MEGF9: variants seen among roughly 807,000 people sequenced by gnomAD.
MEGF9 encodes the protein multiple epidermal growth factor-like domains protein 9.
Under a neutral mutation model 46.8 loss-of-function variants are expected in MEGF9, and 6 were observed. The ratio of observed to expected loss-of-function variants is 0.13; its 90% CI spans 0.07 to 0.25. The LOEUF (loss-of-function observed/expected upper bound fraction) is 0.25. MEGF9 is among the 10% of genes least tolerant of loss of function. The pLI, the probability that MEGF9 is intolerant of heterozygous loss-of-function variation, is 1.00. For missense variants in MEGF9, 683 were observed against 792.4 expected (o/e 0.86, Z 1.66); for synonymous variants, 302 against 330.7 (o/e 0.91, Z 0.94).
At position 120,603,275 on chromosome 9, in the gene MEGF9, GA is replaced by G. The variant is rs2043405641; in HGVS notation, c.*1914del. On this transcript the variant is annotated 3_prime_UTR_variant, in exon 6 of 6. Transcript: ENST00000373930. The stretch of plus-strand genomic sequence containing the variant: ...TTCCTCAGGGGGCTATGGTGTGGAA[GA>G]GAGGACACACATATGGAAAAGTGCT... The G allele has an allele frequency of 6.6e-6, 1 of 150,932 alleles. No individual in the cohort carries two copies. The highest frequency in any genetic ancestry group is 1.5e-5 in the Non-Finnish European group (1 of 68,032). 9.3% of individuals were successfully genotyped at this position (150,932 alleles called of 1,614,324 possible).
chr9:120,616,044 CAA>C (rs2043470966), intron 3 of MEGF9, among the ~76,000 whole-genome samples: 1 of 151,856 alleles, frequency 6.6e-6, no homozygotes. Flanking sequence ...CATAAATAAC[CAA>C]AGTGTTAACA....
intron 2 of MEGF9, among the ~76,000 whole-genome samples, chr9:120,625,338 T>A (rs1254352803): frequency 6.6e-6 from 1 of 152,180 alleles, no homozygotes; most frequent in East Asian, 1.9e-4. Context: ...TCAGTTTCCC[T>A]AAGTATTCAG....
intron 1 of MEGF9, among the ~76,000 whole-genome samples, chr9:120,660,045 T>C (rs1163549757): frequency 1.3e-5 from 2 of 150,992 alleles, no homozygotes; most frequent in African/African-American, 2.4e-5. Context: ...AAGAAATTAA[T>C]GAAGAATAGA....
intron 1 of MEGF9, among the ~76,000 whole-genome samples, chr9:120,674,302 AT>A (rs1168871410): frequency 1.3e-5 from 2 of 152,216 alleles, no homozygotes; most frequent in African/African-American, 2.4e-5. Context: ...CAATAAGGAA[AT>A]AATGCAATTT....
chr9:120,666,005 A>C (rs1418984546), intron 1 of MEGF9, among the ~76,000 whole-genome samples: 17 of 152,062 alleles, frequency 1.1e-4, no homozygotes, highest in Admixed American at 9.8e-4. Context: ...ATAGTTTTGT[A>C]GTATATTTTG....
At chr9:120,640,751 G>A (rs974808154) in intron 2 of MEGF9, among the ~76,000 whole-genome samples, 7 of 151,930 alleles carry the variant, frequency 4.6e-5, no homozygotes, top group African/African-American at 1.7e-4. Flanking sequence ...GGCTACATAT[G>A]CAGGTTGGTT....
chr9:120,697,596 C>A (rs62578018), intron 1 of MEGF9, among the ~76,000 whole-genome samples: 2 of 151,998 alleles, frequency 1.3e-5, no homozygotes, highest in Non-Finnish European at 2.9e-5. Context: ...TTGTTAGCAC[C>A]GATCCTCTTT....
At chr9:120,701,846 C>T (rs1354390100) in intron 1 of MEGF9, among the ~76,000 whole-genome samples, 1 of 152,094 alleles carries the variant, frequency 6.6e-6, no homozygotes, top group East Asian at 1.9e-4. Flanking sequence ...AGATCGAGAC[C>T]ATCCTGGCTA....
chr9:120,612,606 C>T, intron 3 of MEGF9, 67 bp from the exon 4 acceptor site: 1 of 1,406,604 alleles, frequency 7.1e-7, no homozygotes, highest in Non-Finnish European at 9.7e-7. Context: ...TTTCAAAAAT[C>T]ATGCCTGCAA....
intron 2 of MEGF9, among the ~76,000 whole-genome samples, chr9:120,637,514 C>T (rs1184707222): frequency 6.6e-6 from 1 of 150,794 alleles, no homozygotes; most frequent in Non-Finnish European, 1.5e-5. Flanking sequence ...GTGCTCCAGG[C>T]CGGGCGTGGT....
Position 120,713,810 on chromosome 9 carries a change from G to A in MEGF9, c.549C>T (p.Ser183=). The change falls in exon 1 of 6, where the codon AGC becomes AGT. Residue 183 remains serine (S), a synonymous_variant. Transcript: ENST00000373930. ...PTPDLPSSSN[S]SVLPTPPATE... ...TGGCAGGTGGGGTGGGGAGGACGCT[G>A]CTGTTGCTGCTGCTGGGGAGATCGG... 1 of 1,298,832 alleles carries A rather than the reference G, an allele frequency of 7.7e-7. No individual in the cohort carries two copies. Among genetic ancestry groups the A allele is most frequent in the East Asian group, 2.8e-5 (1 of 35,656 alleles). 80.5% of individuals were successfully genotyped at this position (1,298,832 alleles called of 1,614,324 possible). A position where few individuals can be genotyped will look rare whatever the true frequency, so the allele number is the denominator to read the frequency against.
intron 4 of MEGF9, among the ~76,000 whole-genome samples, chr9:120,608,843 C>G (rs1214352659): frequency 6.6e-6 from 1 of 152,204 alleles, no homozygotes; most frequent in East Asian, 1.9e-4. Context: ...CCCTTCTAAG[C>G]AGTTATCAAT....
chr9:120,684,758 T>G (rs1253131249), intron 1 of MEGF9, among the ~76,000 whole-genome samples: 2 of 152,180 alleles, frequency 1.3e-5, no homozygotes, highest in African/African-American at 4.8e-5. Context: ...ATATACGCCA[T>G]GTATACACTA....
intron 1 of MEGF9, among the ~76,000 whole-genome samples, chr9:120,697,414 T>C (rs757765465): frequency 4.0e-5 from 6 of 150,412 alleles, no homozygotes; most frequent in Non-Finnish European, 8.8e-5. Flanking sequence ...TCAAACGTCA[T>C]CTGCTATTTT....
At chr9:120,612,577 A>G (rs757281005) in intron 3 of MEGF9, 38 bp from the exon 4 acceptor site, 11 of 1,562,348 alleles carry the variant, frequency 7.0e-6, no homozygotes, top group Admixed American at 2.0e-5. Context: ...TTAAAGATTT[A>G]CCTTGAAAGC....
chr9:120,605,905 G>A lies in MEGF9; in HGVS notation c.1358-264C>T, dbSNP rs891693289. The stretch of plus-strand genomic sequence containing the variant: ...TTAAAATCTTTGGGCCGGGCGTGGT[G>A]GCTCACACCTGTAATCCCAGCACTT... On this transcript the variant is annotated intron_variant, in intron 5 of 5. Coordinates refer to ENST00000373930, the MANE Select transcript of MEGF9 (RefSeq NM_001080497.3). This position sits in a 1 kb window ranked among gnomAD's most constrained non-coding sequence, Gnocchi z 4.0. Among the ~76,000 whole-genome samples the A allele has an allele frequency of 1.3e-5, 2 of 152,126 alleles. No homozygotes were observed. Among genetic ancestry groups the A allele is most frequent in the Non-Finnish European group, 2.9e-5 (2 of 68,022 alleles).
At chr9:120,631,937 CTCT>C (rs1240283858) in intron 2 of MEGF9, among the ~76,000 whole-genome samples, 10 of 151,408 alleles carry the variant, frequency 6.6e-5, no homozygotes, top group Admixed American at 6.6e-4. Flanking sequence ...TCTCCTCCTC[CTCT>C]TTTTTTGAGA....
chr9:120,612,283 T>C (rs1225470830), intron 4 of MEGF9, 113 bp downstream of exon 4: 1 of 999,912 alleles, frequency 1.0e-6, no homozygotes, highest in Non-Finnish European at 1.4e-6. Flanking sequence ...TTGCTGTTTT[T>C]ATAACTCCCT....
chr9:120,633,605 A>C (rs1587979262), intron 2 of MEGF9, among the ~76,000 whole-genome samples: 1 of 151,558 alleles, frequency 6.6e-6, no homozygotes, highest in Non-Finnish European at 1.5e-5. Context: ...TTTTTGCCCT[A>C]ATCTTTATTA....
Sources: allele counts gnomAD v4.1 joint callset (sites outside exome capture counted in the v4.1 genomes callset), GRCh38; gene constraint gnomAD v4.1.1; non-coding constraint Gnocchi (gnomAD v3.1); transcripts MANE v1.5; gene names NCBI Gene and HGNC (gene_info 2026-07-23, HGNC 2026-07-21).